ZNF236: variants seen among roughly 807,000 people sequenced by gnomAD.
ZNF236 encodes the protein regulated by glucose.
A neutral mutation model predicts 191.2 loss-of-function variants in ZNF236; 50 were observed. The ratio of observed to expected loss-of-function variants is 0.26; its 90% CI spans 0.21 to 0.33. ZNF236 has a LOEUF of 0.33. ZNF236 is among the 10% of genes least tolerant of loss of function. ZNF236 has a pLI of 1.00. For missense variants in ZNF236, 1,754 were observed against 2,374.5 expected (o/e 0.74, Z 5.43); for synonymous variants, 907 against 928.8 (o/e 0.98, Z 0.43).
At chr18:76,858,057 AT>A (rs1323046952) in intron 3 of ZNF236, among the ~76,000 whole-genome samples, 24 of 152,070 alleles carry the variant, frequency 1.6e-4, no homozygotes, top group Admixed American at 4.6e-4. Context: ...AAAGCGATGC[AT>A]TTGTGTGTGT....
intron 4 of ZNF236, among the ~76,000 whole-genome samples, chr18:76,870,217 T>G (rs1273526911): frequency 6.6e-6 from 1 of 152,262 alleles, no homozygotes; most frequent in East Asian, 1.9e-4. Flanking sequence ...TTTTTCATTT[T>G]GCCTCTTGTT....
rs546844844 is a variant in ZNF236 at position 76,927,744 on chromosome 18, G to A, written c.4415-183G>A. 1.2e-4 allele frequency among the ~76,000 whole-genome samples: 18 copies of A among 151,828 alleles called. No homozygotes were observed. The highest frequency in any genetic ancestry group is 2.5e-4 in the Non-Finnish European group (17 of 67,972). The stretch of plus-strand genomic sequence containing the variant: ...TCATTTAATTACTCTTTTCATCCTG[G>A]CTTCATTTCCTCACAAGGCTTTCTT... On this transcript the variant is annotated intron_variant, in intron 24 of 30. Transcript: ENST00000320610. The surrounding 1 kb of genome is among the most constrained non-coding windows in gnomAD (Gnocchi z 5.4).
At chr18:76,926,941 T>G (rs1265679852) in intron 22 of ZNF236, 96 bp from the exon 23 acceptor site, 1 of 1,403,636 alleles carries the variant, frequency 7.1e-7, no homozygotes, top group Non-Finnish European at 9.7e-7. Flanking sequence ...TGTGTACAAC[T>G]TATGTATTTA....
At chr18:76,926,311 A>T (rs28450672) in intron 22 of ZNF236, among the ~76,000 whole-genome samples, 35,078 of 151,910 alleles carry the variant, frequency 0.23, 4,858 homozygotes, top group East Asian at 0.32. Context: ...GAGACAGTGT[A>T]TGTGTATATG....
chr18:76,923,048 T>C, intron 20 of ZNF236, 23 bp from the exon 21 acceptor site: 1 of 1,542,256 alleles, frequency 6.5e-7, no homozygotes, highest in Non-Finnish European at 9.0e-7. Flanking sequence ...TCAATATGTC[T>C]ATAATTAATG....
intron 1 of ZNF236, among the ~76,000 whole-genome samples, 155 bp downstream of exon 1, chr18:76,822,817 G>C (rs1974892762): frequency 6.8e-6 from 1 of 146,214 alleles, no homozygotes; most frequent in Admixed American, 6.8e-5. Context: ...GACTGGCCGG[G>C]CGGGCCGCAG....
chr18:76,837,316 C>T (rs1353500791), intron 1 of ZNF236, among the ~76,000 whole-genome samples: 4 of 151,830 alleles, frequency 2.6e-5, no homozygotes, highest in African/African-American at 9.7e-5. Flanking sequence ...AAGCTTGTCC[C>T]TTATGTTTTT....
At chr18:76,916,156 G>A (rs190463040) in intron 19 of ZNF236, among the ~76,000 whole-genome samples, 2 of 152,172 alleles carry the variant, frequency 1.3e-5, no homozygotes, top group African/African-American at 4.8e-5. Context: ...CTAGAGACTT[G>A]AATGTTTTTA....
rs186120356 is a variant in ZNF236, at chr18:76,935,122, A to C, written c.4595-2034A>C. ...TAAGAGTATTTAATTTGAATATAAG[A>C]TTGTAGCTTTTAACAAATGGATAGT... On this transcript the variant is annotated intron_variant, in intron 25 of 30. Coordinates refer to ENST00000320610, the MANE Select transcript of ZNF236 (RefSeq NM_001306089.2). Among the ~76,000 whole-genome samples the C allele has an allele frequency of 8.7e-4, 133 of 152,322 alleles. 1 individual carries two copies. The highest frequency in any genetic ancestry group is 2.8e-3 in the African/African-American group (117 of 41,586).
intron 12 of ZNF236, 41 bp from the exon 13 acceptor site, chr18:76,905,114 T>C (rs910377210): frequency 1.3e-6 from 2 of 1,557,330 alleles, no homozygotes; most frequent in Non-Finnish European, 1.7e-6. Context: ...ATTATAAAAG[T>C]ATAAGAAACA....
At chr18:76,827,820 G>C (rs1450332084) in intron 1 of ZNF236, among the ~76,000 whole-genome samples, 36 of 152,134 alleles carry the variant, frequency 2.4e-4, no homozygotes, top group Admixed American at 2.4e-3. Context: ...AGTGAGATAT[G>C]CTTTTTTTCT....
At chr18:76,949,919 A>C (rs973645789) in intron 27 of ZNF236, among the ~76,000 whole-genome samples, 1 of 151,972 alleles carries the variant, frequency 6.6e-6, no homozygotes, top group African/African-American at 2.4e-5. Context: ...AGCCTCCCAC[A>C]GTGCTGGGAT....
intron 17 of ZNF236, 107 bp downstream of exon 17, chr18:76,912,454 T>G: frequency 1.4e-6 from 1 of 707,276 alleles, no homozygotes; most frequent in South Asian, 1.9e-5. Flanking sequence ...CTCTCAAAAC[T>G]GTTCAAAACA....
chr18:76,868,861 T>C lies in ZNF236; in HGVS notation c.540T>C (p.Ile180=). 6.3e-7 allele frequency: 1 copy of C among 1,595,926 alleles called. No individual in the cohort carries two copies. ...LKEHMKTHYK[I]RVSSTRSYNR... is the part of the protein sequence containing the mutation. ...AACACATGAAGACTCATTACAAAAT[T>C]AGGTATGAGTCATTACATGGGCTTG... Residue 180 remains isoleucine (I), a splice_region_variant and synonymous_variant, in exon 4 of 31, where the codon ATT becomes ATC. Coordinates refer to ENST00000320610, the MANE Select transcript of ZNF236 (RefSeq NM_001306089.2).
intron 27 of ZNF236, among the ~76,000 whole-genome samples, chr18:76,953,775 C>T (rs540950823): frequency 6.6e-6 from 1 of 152,266 alleles, no homozygotes; most frequent in Non-Finnish European, 1.5e-5. Context: ...TTCAGTTCAG[C>T]AAACATTTAA....
intron 1 of ZNF236, among the ~76,000 whole-genome samples, chr18:76,847,423 C>CAA (rs1230645983): frequency 1.3e-5 from 2 of 152,160 alleles, no homozygotes; most frequent in East Asian, 3.9e-4. Flanking sequence ...AATTGTATAT[C>CAA]AATTGCTAGG....
intron 5 of ZNF236, among the ~76,000 whole-genome samples, chr18:76,872,235 C>T (rs1976601584): frequency 6.6e-6 from 1 of 152,202 alleles, no homozygotes; most frequent in Non-Finnish European, 1.5e-5. Context: ...AATCCCAGCA[C>T]TTTGGGAAGC....
chr18:76,901,881 G>C (rs1977604744), intron 11 of ZNF236, among the ~76,000 whole-genome samples: 1 of 152,182 alleles, frequency 6.6e-6, no homozygotes, highest in African/African-American at 2.4e-5. Flanking sequence ...TGGTAGCGTA[G>C]AATACTTTGA....
intron 30 of ZNF236, among the ~76,000 whole-genome samples, chr18:76,967,810 AC>A (rs1363205745): frequency 6.6e-6 from 1 of 152,046 alleles, no homozygotes; most frequent in Non-Finnish European, 1.5e-5. Flanking sequence ...AGTGTAGGGA[AC>A]CCGAGGGCAG....
Sources: gnomAD v4.1 joint callset for allele counts (sites outside exome capture counted in the v4.1 genomes callset) on GRCh38, gnomAD v4.1.1 for gene constraint, Gnocchi (gnomAD v3.1) non-coding constraint, MANE v1.5 for transcripts, NCBI Gene and HGNC (gene_info 2026-07-23, HGNC 2026-07-21) for gene names.